Variants in NPTN observed in about 807,000 individuals in gnomAD.
NPTN encodes the protein SDR-1.
Under a neutral mutation model 42.7 loss-of-function variants are expected in NPTN, and 5 were observed. That is an observed-to-expected ratio of 0.12 (90% CI 0.06 to 0.25). The LOEUF (loss-of-function observed/expected upper bound fraction) is 0.25. NPTN is among the 10% of genes least tolerant of loss of function. NPTN has a pLI of 1.00. For missense variants in NPTN, 307 were observed against 525.4 expected (o/e 0.58, Z 4.06); for synonymous variants, 180 against 201.9 (o/e 0.89, Z 0.92).
chr15:73,590,748 C>A (rs1475176000), intron 3 of NPTN, among the ~76,000 whole-genome samples: 15 of 152,090 alleles, frequency 9.9e-5, no homozygotes, highest in Non-Finnish European at 1.3e-4. Flanking sequence ...GGAGGCAGAA[C>A]GAGACCCTGT....
chr15:73,563,935 A>G (rs971278162), intron 6 of NPTN, among the ~76,000 whole-genome samples: 1 of 152,232 alleles, frequency 6.6e-6, no homozygotes, highest in Non-Finnish European at 1.5e-5. Flanking sequence ...ATCCCTCTAG[A>G]AAAGACTTCA....
chr15:73,597,349 T>G lies in NPTN; in HGVS notation c.112A>C (p.Met38Leu). The G allele has an allele frequency of 6.2e-7, 1 of 1,610,320 alleles. No individual in the cohort carries two copies. The highest frequency in any genetic ancestry group is 8.5e-7 in the Non-Finnish European group (1 of 1,178,456). Residue 38 changes from methionine to leucine, a missense_variant, in exon 2 of 9, where the codon ATG (methionine) becomes CTG (leucine). By Grantham distance (15) the Met-to-Leu change is conservative. Around this residue, in one of 2 missense-constraint regions of NPTN, gnomAD observed 264 missense variants for 491.1 expected, o/e 0.54. Coordinates refer to ENST00000345330, the MANE Select transcript of NPTN (RefSeq NM_012428.4). This position sits in a 1 kb window ranked among gnomAD's most constrained non-coding sequence, Gnocchi z 6.3. ...AQNAGFVKSPMSETKLTGDAF... is the reference protein window; with the variant it reads ...AQNAGFVKSPLSETKLTGDAF... ...TCCCCCGTGAGCTTAGTTTCTGACA[T>G]GGGCGACTTGACAAACCCAGCTAGA...
At chr15:73,619,006 C>A (rs562622098) in intron 1 of NPTN, among the ~76,000 whole-genome samples, 40 of 148,820 alleles carry the variant, frequency 2.7e-4, no homozygotes, top group African/African-American at 1.0e-3. Context: ...CTGCAGTGAG[C>A]TATGATCATA....
chr15:73,602,416 C>T (rs1292240111), intron 1 of NPTN, among the ~76,000 whole-genome samples: 4 of 152,168 alleles, frequency 2.6e-5, no homozygotes, highest in African/African-American at 4.8e-5. Flanking sequence ...GTCTCTCTCA[C>T]ACACACACAA....
In NPTN at chr15:73,569,612, A is replaced by G; in HGVS notation, c.1114+538T>C. ...CAAAGGGACCAACCAAGGAACCAAA[A>G]GCTGGCTTGTTCCAATGGCTTTTCT... On this transcript the variant is annotated intron_variant, in intron 6 of 8. Coordinates refer to ENST00000345330, the MANE Select transcript of NPTN (RefSeq NM_012428.4). This position sits in a 1 kb window ranked among gnomAD's most constrained non-coding sequence, Gnocchi z 4.1. 1.0e-6 allele frequency: 1 copy of G among 985,476 alleles called. No homozygotes were observed. Among genetic ancestry groups the G allele is most frequent in the Non-Finnish European group, 1.2e-6 (1 of 829,934 alleles). The allele number at this position is 985,476 out of a possible 1,614,324, so 61.0% of individuals were successfully genotyped here. A position where few individuals can be genotyped will look rare whatever the true frequency, so the allele number is the denominator to read the frequency against.
At chr15:73,568,109 C>G in intron 6 of NPTN, 3 of 985,374 alleles carry the variant, frequency 3.0e-6, no homozygotes, top group Non-Finnish European at 2.4e-6. Context: ...AAAACTCTTA[C>G]AAAAAAAGAG....
intron 1 of NPTN, among the ~76,000 whole-genome samples, chr15:73,619,191 T>C (rs1428762729): frequency 6.6e-6 from 1 of 152,104 alleles, no homozygotes; most frequent in African/African-American, 2.4e-5. Flanking sequence ...AACAGAATTA[T>C]GGTGATGGGA....
rs929123287 is a variant in NPTN at position 73,569,573 on chromosome 15, C to G, written c.1114+577G>C. On this transcript the variant is annotated intron_variant, in intron 6 of 8. Transcript: ENST00000345330. This position sits in a 1 kb window ranked among gnomAD's most constrained non-coding sequence, Gnocchi z 4.1. ...AGATGGAAAGCCACCCAGCAGAGAG[C>G]GCTGGAAACCTATCAAAGGGACCAA... is the stretch of plus-strand genomic sequence containing the variant. 9.1e-6 allele frequency: 9 copies of G among 985,286 alleles called. No individual in the cohort carries two copies. The highest frequency in any genetic ancestry group is 1.2e-4 in the Admixed American group (2 of 16,270). The allele number at this position is 985,286 out of a possible 1,614,324, so 61.0% of individuals were successfully genotyped here.
chr15:73,592,585 T>C (rs1252033237), intron 2 of NPTN, among the ~76,000 whole-genome samples: 1 of 152,190 alleles, frequency 6.6e-6, no homozygotes, highest in Non-Finnish European at 1.5e-5. Flanking sequence ...AATTACATAA[T>C]ACATGTATAG....
chr15:73,633,155 G>C lies in NPTN; in HGVS notation c.61C>G (p.Leu21Val). The C allele has an allele frequency of 6.6e-7, 1 of 1,507,988 alleles. No individual in the cohort carries two copies. The highest frequency in any genetic ancestry group is 8.8e-7 in the Non-Finnish European group (1 of 1,135,394). 93.4% of individuals were successfully genotyped at this position (1,507,988 alleles called of 1,614,324 possible). A position where few individuals can be genotyped will look rare whatever the true frequency, so the allele number is the denominator to read the frequency against. ...ALSLLLVSGS[L>V]LPGPGAAQNA... is the part of the protein sequence containing the mutation. ...TGAGCGGCGCCTGGCCCTGGGAGGA[G>C]GGAGCCAGAGACCAGCAACAGCGAG... The change falls in exon 1 of 9, where the codon CTC becomes GTC. Residue 21 changes from leucine (L) to valine (V), a missense_variant. By Grantham distance (32) the Leu-to-Val change is conservative. Transcript: ENST00000345330.
chr15:73,580,572 T>TATGTATATACATGTTATATATGTAC (rs1566965997), intron 4 of NPTN, among the ~76,000 whole-genome samples: 1 of 120,992 alleles, frequency 8.3e-6, no homozygotes, highest in African/African-American at 3.2e-5. Context: ...ATACATGTTA[T>TATGTATATACATGTTATATATGTAC]ATATGTATAT....
chr15:73,626,386 A>C lies in NPTN; in HGVS notation c.91+6739T>G, dbSNP rs148142657. Among the ~76,000 whole-genome samples, 689 of 152,362 alleles carry C rather than the reference A, an allele frequency of 4.5e-3. 5 individuals carry two copies. The highest frequency in any genetic ancestry group is 0.015 in the African/African-American group (634 of 41,584). Reference sequence around the variant, plus strand: ...TCAAAACAGTGCATGCCTCAAAGTTAATTTTCATTATATTCAAAAGTAAGT... The same window carrying C: ...TCAAAACAGTGCATGCCTCAAAGTTCATTTTCATTATATTCAAAAGTAAGT... On this transcript the variant is annotated intron_variant, in intron 1 of 8. Transcript: ENST00000345330.
Position 73,562,059 on chromosome 15 carries a change from T to C in NPTN, c.1137-89A>G, listed in dbSNP as rs144786880. 53 of 934,160 alleles carry C rather than the reference T, an allele frequency of 5.7e-5. No homozygotes were observed. The East Asian group carries it at 1.4e-3, about 25-fold the overall frequency. 57.9% of individuals were successfully genotyped at this position (934,160 alleles called of 1,614,324 possible). A position where few individuals can be genotyped will look rare whatever the true frequency, so the allele number is the denominator to read the frequency against. Reference sequence around the variant, plus strand: ...ATGGAAATACAGGGACTCTTTCACTTACTGCCATCCCTGGTGTAGTGAGAA... The same window carrying C: ...ATGGAAATACAGGGACTCTTTCACTCACTGCCATCCCTGGTGTAGTGAGAA... On this transcript the variant is annotated intron_variant, in intron 7 of 8. Coordinates refer to ENST00000345330, the MANE Select transcript of NPTN (RefSeq NM_012428.4).
chr15:73,590,533 G>A (rs1316978465), intron 3 of NPTN, among the ~76,000 whole-genome samples: 2 of 151,908 alleles, frequency 1.3e-5, no homozygotes, highest in African/African-American at 4.8e-5. Flanking sequence ...AGGCCAAGGT[G>A]GGGAGACTGC....
intron 3 of NPTN, among the ~76,000 whole-genome samples, chr15:73,589,480 C>G (rs1896484499): frequency 6.6e-6 from 1 of 152,086 alleles, no homozygotes; most frequent in African/African-American, 2.4e-5. Flanking sequence ...GCACATACAC[C>G]AAACACATGC....
At chr15:73,611,156 T>A (rs945180853) in intron 1 of NPTN, among the ~76,000 whole-genome samples, 9 of 152,228 alleles carry the variant, frequency 5.9e-5, no homozygotes, top group Admixed American at 1.3e-4. Context: ...AGATCCTGTA[T>A]TTGTCCCTGA....
intron 2 of NPTN, among the ~76,000 whole-genome samples, chr15:73,594,538 A>G (rs1011606539): frequency 7.2e-5 from 11 of 152,188 alleles, no homozygotes; most frequent in Non-Finnish European, 1.5e-4. Flanking sequence ...TGATTGCTGT[A>G]TATGAAAAAC....
chr15:73,626,220 AG>A (rs1317692118), intron 1 of NPTN, among the ~76,000 whole-genome samples: 1 of 152,250 alleles, frequency 6.6e-6, no homozygotes, highest in Non-Finnish European at 1.5e-5. Context: ...CCTACCTGGC[AG>A]GAATATTCAC....
rs560843000 is a variant in NPTN, at chr15:73,568,264, G to A, written c.1114+1886C>T. On this transcript the variant is annotated intron_variant, in intron 6 of 8. Coordinates refer to ENST00000345330, the MANE Select transcript of NPTN (RefSeq NM_012428.4). ...AAGACTAGACCTCTGCTGGGAACAC[G>A]CTAGGCTGCTGCATCACTCTCACCA... The A allele has an allele frequency of 2.6e-4, 261 of 985,450 alleles. 1 individual carries two copies. In the African/African-American group the frequency reaches 3.9e-3, roughly 15 times the overall value. 61.0% of individuals were successfully genotyped at this position (985,450 alleles called of 1,614,324 possible).
Sources: gnomAD v4.1 joint callset for allele counts (sites outside exome capture counted in the v4.1 genomes callset) on GRCh38, gnomAD v4.1.1 for gene constraint, gnomAD v4.1.1 regional missense constraint, Gnocchi (gnomAD v3.1) non-coding constraint, MANE v1.5 for transcripts, NCBI Gene and HGNC (gene_info 2026-07-23, HGNC 2026-07-21) for gene names.